Variants in MYO10 observed in about 807,000 individuals in gnomAD.
The protein encoded by MYO10 is unconventional myosin-X.
MYO10 carries 133 observed loss-of-function variants against 257.3 expected under a neutral mutation model. The ratio of observed to expected loss-of-function variants is 0.52; its 90% CI spans 0.45 to 0.60. The LOEUF is 0.60. Ranked by LOEUF, MYO10 falls within the 20% of genes least tolerant of loss-of-function variation. The pLI, the probability that MYO10 is intolerant of heterozygous loss-of-function variation, is 0.00. For missense variants in MYO10, 2,399 were observed against 2,635.7 expected (o/e 0.91, Z 1.97); for synonymous variants, 1,104 against 1,028.6 (o/e 1.07, Z -1.40).
intron 2 of MYO10, among the ~76,000 whole-genome samples, chr5:16,835,300 G>C (rs1273158962): frequency 1.3e-5 from 2 of 151,638 alleles, no homozygotes; most frequent in African/African-American, 4.8e-5. Context: ...CTTTGAGATA[G>C]GGTGGGCAGA....
At position 16,832,180 on chromosome 5, in the gene MYO10, A is replaced by G. The variant is rs546305069; in HGVS notation, c.121-14013T>C. 4.0e-4 allele frequency among the ~76,000 whole-genome samples: 61 copies of G among 152,254 alleles called. No individual in the cohort carries two copies. The South Asian group carries it at 0.012, about 31-fold the overall frequency. On this transcript the variant is annotated intron_variant, in intron 2 of 40. Coordinates refer to ENST00000513610, the MANE Select transcript of MYO10 (RefSeq NM_012334.3). ...GTGTCAAACTCCTGAGCTCAAAACA[A>G]TCTGACCACTTCAGCCTCCCACAGT...
At chr5:16,888,415 G>C (rs749974060) in intron 1 of MYO10, among the ~76,000 whole-genome samples, 21 of 151,744 alleles carry the variant, frequency 1.4e-4, no homozygotes, top group Non-Finnish European at 2.9e-4. Context: ...GACAAACATG[G>C]AGAAACCCCA....
At chr5:16,912,065 T>C (rs1209084581) in intron 1 of MYO10, among the ~76,000 whole-genome samples, 1 of 151,968 alleles carries the variant, frequency 6.6e-6, no homozygotes, top group Non-Finnish European at 1.5e-5. Flanking sequence ...GTTTGTTTGT[T>C]TGTTTGTTTT....
At chr5:16,667,258 G>C (rs1217178652) in intron 40 of MYO10, among the ~76,000 whole-genome samples, 1 of 152,110 alleles carries the variant, frequency 6.6e-6, no homozygotes, top group Non-Finnish European at 1.5e-5. Flanking sequence ...GGCTGGGAGA[G>C]CGGCCAGCTC....
chr5:16,762,499 A>G (rs1740747855), intron 15 of MYO10, 46 bp downstream of exon 15: 1 of 1,457,438 alleles, frequency 6.9e-7, no homozygotes, highest in South Asian at 1.2e-5. Flanking sequence ...CCCAACCCAC[A>G]GACGTGCTAC....
At chr5:16,706,215 G>A (rs566968019) in intron 21 of MYO10, among the ~76,000 whole-genome samples, 271 of 151,592 alleles carry the variant, frequency 1.8e-3, no homozygotes, top group African/African-American at 6.4e-3. Context: ...ATACACACAC[G>A]TACATACTCA....
chr5:16,687,902 C>T (rs146071434), intron 28 of MYO10, among the ~76,000 whole-genome samples: 2,180 of 152,282 alleles, frequency 0.014, 27 homozygotes, highest in Non-Finnish European at 0.018. Flanking sequence ...ATTTGTTGCA[C>T]TTTCAATTCT....
chr5:16,821,240 AATGTGTACATCCTATGTGTACCTCCT>A (rs1211169565), intron 2 of MYO10, among the ~76,000 whole-genome samples: 15 of 149,002 alleles, frequency 1.0e-4, no homozygotes, highest in Non-Finnish European at 1.8e-4. Context: ...AAGACAATGA[AATGTGTACATCCTATGTGTACCTCCT>A]ATGTGTACAT....
In MYO10 at chr5:16,807,936, T is replaced by G. The variant is rs1007494399; in HGVS notation, c.279+10073A>C. On this transcript the variant is annotated intron_variant, in intron 3 of 40. Transcript: ENST00000513610. ...TCTTCACTAATCAATTAGGGACCTT[T>G]CATTTACTCAGTCTTTCAACAAGCC... Among the ~76,000 whole-genome samples, 10 of 152,166 alleles carry G rather than the reference T, an allele frequency of 6.6e-5. 1 individual carries two copies. Among genetic ancestry groups the G allele is most frequent in the Non-Finnish European group, 1.2e-4 (8 of 68,038 alleles).
At chr5:16,900,945 G>A (rs1259329174) in intron 1 of MYO10, among the ~76,000 whole-genome samples, 1 of 151,896 alleles carries the variant, frequency 6.6e-6, no homozygotes, top group Non-Finnish European at 1.5e-5. Flanking sequence ...TCACCATGTT[G>A]GCCAGGCTGG....
At chr5:16,732,239 G>T (rs1739613044) in intron 19 of MYO10, among the ~76,000 whole-genome samples, 1 of 152,116 alleles carries the variant, frequency 6.6e-6, no homozygotes, top group Non-Finnish European at 1.5e-5. Context: ...AAGGAGGGCA[G>T]GAGGGAAGGA....
intron 19 of MYO10, chr5:16,738,474 T>C (rs1739892804): frequency 1.1e-6 from 1 of 930,372 alleles, no homozygotes. Flanking sequence ...TTGCTCAAGG[T>C]GAGGGAGCCC....
At position 16,780,114 on chromosome 5, in the gene MYO10, C is replaced by A. The variant is rs188225128; in HGVS notation, c.826+410G>T. Among the ~76,000 whole-genome samples the A allele has an allele frequency of 1.3e-3, 202 of 152,182 alleles. 1 individual carries two copies. The highest frequency in any genetic ancestry group is 0.01 in the Middle Eastern group (3 of 294). On this transcript the variant is annotated intron_variant, in intron 8 of 40. Transcript: ENST00000513610. ...ACGGAGTTTCACCATATTGGCCTGGCTGGTCTTGAACTCCTGATCTCCAGT... is the reference window on the plus strand; with the variant it reads ...ACGGAGTTTCACCATATTGGCCTGGATGGTCTTGAACTCCTGATCTCCAGT...
intron 1 of MYO10, among the ~76,000 whole-genome samples, chr5:16,920,191 T>C (rs1745943349): frequency 6.6e-6 from 1 of 152,086 alleles, no homozygotes; most frequent in South Asian, 2.1e-4. Context: ...GGAGAATCAC[T>C]TGAACCCGGG....
chr5:16,805,330 C>T (rs1179633930), intron 3 of MYO10, among the ~76,000 whole-genome samples: 11 of 151,416 alleles, frequency 7.3e-5, no homozygotes, highest in African/African-American at 2.7e-4. Context: ...GGCGTGGTGG[C>T]GGATGCCTGT....
intron 1 of MYO10, among the ~76,000 whole-genome samples, chr5:16,894,067 C>T (rs1745153300): frequency 6.6e-6 from 1 of 152,046 alleles, no homozygotes; most frequent in Admixed American, 6.6e-5. Flanking sequence ...ACAGGGAGTC[C>T]CTGTACACCT....
intron 21 of MYO10, among the ~76,000 whole-genome samples, chr5:16,708,557 G>A (rs1738450118): frequency 6.6e-6 from 1 of 152,172 alleles, no homozygotes; most frequent in Non-Finnish European, 1.5e-5. Flanking sequence ...CGTTTATAGA[G>A]AATGCAATTT....
At chr5:16,903,744 G>A (rs1450438179) in intron 1 of MYO10, among the ~76,000 whole-genome samples, 1 of 152,198 alleles carries the variant, frequency 6.6e-6, no homozygotes, top group Non-Finnish European at 1.5e-5. Flanking sequence ...AGTTTAATCA[G>A]AGAAAAACCT....
intron 1 of MYO10, among the ~76,000 whole-genome samples, chr5:16,891,974 A>T (rs1420491198): frequency 6.6e-6 from 1 of 152,240 alleles, no homozygotes; most frequent in Non-Finnish European, 1.5e-5. Context: ...AAGTTATTTC[A>T]GTGCTTTGAC....
Sources: allele counts gnomAD v4.1 joint callset (sites outside exome capture counted in the v4.1 genomes callset), GRCh38; gene constraint gnomAD v4.1.1; transcripts MANE v1.5; gene names NCBI Gene and HGNC (gene_info 2026-07-23, HGNC 2026-07-21).